DNAJC21: variants seen among roughly 807,000 people sequenced by gnomAD.
DNAJC21 encodes the protein dnaJ homolog subfamily C member 21.
DNAJC21 carries 63 observed loss-of-function variants against 72.4 expected under a neutral mutation model. The ratio of observed to expected loss-of-function variants is 0.87; its 90% CI spans 0.71 to 1.07. The LOEUF is 1.07. Ranked by LOEUF, DNAJC21 falls within the 50% of genes least tolerant of loss-of-function variation. DNAJC21 has a pLI of 0.00. For missense variants in DNAJC21, 634 were observed against 644.8 expected (o/e 0.98, Z 0.18); for synonymous variants, 203 against 216.7 (o/e 0.94, Z 0.56).
chr5:34,946,949 ATC>A (rs1354395005), intron 9 of DNAJC21, among the ~76,000 whole-genome samples: 5 of 152,196 alleles, frequency 3.3e-5, no homozygotes, highest in Non-Finnish European at 4.4e-5. Flanking sequence ...CCTTTATAGC[ATC>A]TCTCGTTTAT....
intron 6 of DNAJC21, among the ~76,000 whole-genome samples, chr5:34,940,331 A>G (rs979311501): frequency 1.3e-5 from 2 of 152,342 alleles, no homozygotes; most frequent in South Asian, 2.1e-4. Context: ...TTAACACTAG[A>G]TAGGGTATAT....
chr5:34,953,324 C>G (rs963916774), intron 10 of DNAJC21, among the ~76,000 whole-genome samples: 2 of 151,734 alleles, frequency 1.3e-5, no homozygotes, highest in African/African-American at 4.8e-5. Flanking sequence ...TGCAGTGGTG[C>G]AATCTTGGCT....
At chr5:34,931,780 C>A (rs1195680247) in intron 1 of DNAJC21, among the ~76,000 whole-genome samples, 1 of 151,984 alleles carries the variant, frequency 6.6e-6, no homozygotes, top group Non-Finnish European at 1.5e-5. Flanking sequence ...CCAAGCCAGG[C>A]TTGGGGTCAG....
chr5:34,949,479 C>T, intron 9 of DNAJC21: 2 of 1,546,084 alleles, frequency 1.3e-6, no homozygotes, highest in Non-Finnish European at 1.7e-6. Context: ...GGTTGTGTAA[C>T]AGATAATATT....
intron 9 of DNAJC21, 49 bp from the exon 10 acceptor site, chr5:34,950,121 T>C: frequency 6.5e-7 from 1 of 1,528,832 alleles, no homozygotes; most frequent in Non-Finnish European, 8.8e-7. Context: ...AAAAAGCTAG[T>C]AGTAGTATTA....
Position 34,956,587 on chromosome 5 carries a change from A to G in DNAJC21, c.*1873A>G, listed in dbSNP as rs1765544495. The G allele has an allele frequency of 6.6e-6, 1 of 152,238 alleles. No individual in the cohort carries two copies. Among genetic ancestry groups the G allele is most frequent in the African/African-American group, 2.4e-5 (1 of 41,460 alleles). 9.4% of individuals were successfully genotyped at this position (152,238 alleles called of 1,614,324 possible). Reference sequence around the variant, plus strand: ...CCAGAGGACATACTAGTCACATGTTATTATACACTAAAAAATAGGAAGTCA... The same window carrying G: ...CCAGAGGACATACTAGTCACATGTTGTTATACACTAAAAAATAGGAAGTCA... On this transcript the variant is annotated 3_prime_UTR_variant, in exon 12 of 12. Transcript: ENST00000648817.
At chr5:34,944,835 G>C (rs1765118342) in intron 7 of DNAJC21, 32 bp from the exon 8 acceptor site, 2 of 1,609,980 alleles carry the variant, frequency 1.2e-6, no homozygotes, top group South Asian at 2.2e-5. Context: ...ACTAATTTTA[G>C]CGCAGCTGCT....
Position 34,941,145 on chromosome 5 carries a change from C to T in DNAJC21, c.945C>T (p.Tyr315=). The change falls in exon 7 of 12, where the codon TAC becomes TAT. Residue 315 remains tyrosine (Y), a synonymous_variant. Coordinates refer to ENST00000648817, the MANE Select transcript of DNAJC21 (RefSeq NM_001012339.3). ...ACGCTGAGCTCTATGATGACCTTTA[C>T]TGCCCAGCATGTGACAAATCGTTCA... ...AEDAELYDDL[Y]CPACDKSFKT... is the part of the protein sequence containing the mutation. 2 of 1,614,148 alleles carry T rather than the reference C, an allele frequency of 1.2e-6. No homozygotes were observed. The highest frequency in any genetic ancestry group is 8.5e-7 in the Non-Finnish European group (1 of 1,180,022).
In DNAJC21 at chr5:34,954,701, G is replaced by T. The variant is rs552965011; in HGVS notation, c.1583G>T (p.Arg528Leu). Residue 528 changes from arginine (R) to leucine (L), a missense_variant, in exon 12 of 12, where the codon CGT becomes CTT. Arg to Leu is a moderately radical substitution (Grantham distance 102). Coordinates refer to ENST00000648817, the MANE Select transcript of DNAJC21 (RefSeq NM_001012339.3). ...AGTAGTCAAAGCAAGAAAGAGAAAC[G>T]TAAAAACAGATAGAGATTCTGCCTG... Reference protein sequence around the residue: ...ATSSQSKKEKRKNR With the variant: ...ATSSQSKKEKLKNR 2.5e-6 allele frequency: 4 copies of T among 1,603,504 alleles called. No individual in the cohort carries two copies. The highest frequency in any genetic ancestry group is 3.4e-6 in the Non-Finnish European group (4 of 1,175,890).
In DNAJC21 at chr5:34,955,004, A is replaced by G. The variant is rs1765495629; in HGVS notation, c.*290A>G. The G allele has an allele frequency of 4.9e-6, 1 of 205,300 alleles. No homozygotes were observed. The highest frequency in any genetic ancestry group is 2.3e-5 in the African/African-American group (1 of 43,554). The allele number at this position is 205,300 out of a possible 1,614,324, so 12.7% of individuals were successfully genotyped here. ...TTGGCTCATGTGGACAGAAATGTAC[A>G]GGGAGAATTACATTATTTTAACACA... On this transcript the variant is annotated 3_prime_UTR_variant, in exon 12 of 12. Coordinates refer to ENST00000648817, the MANE Select transcript of DNAJC21 (RefSeq NM_001012339.3).
chr5:34,946,586 A>G (rs1474484795), intron 9 of DNAJC21, among the ~76,000 whole-genome samples: 1 of 152,174 alleles, frequency 6.6e-6, no homozygotes, highest in African/African-American at 2.4e-5. Context: ...TCAAAAAATG[A>G]TATATGACAC....
chr5:34,957,982 A>G lies in DNAJC21; in HGVS notation c.*3268A>G, dbSNP rs1397372624. Reference sequence around the variant, plus strand: ...TAGGCTCTTGGGATTGGAGAGGAAAAATTAGAGGTGATTTTCAGATTTCTT... The same window carrying G: ...TAGGCTCTTGGGATTGGAGAGGAAAGATTAGAGGTGATTTTCAGATTTCTT... On this transcript the variant is annotated 3_prime_UTR_variant, in exon 12 of 12. Transcript: ENST00000648817. 2.0e-5 allele frequency: 3 copies of G among 152,162 alleles called. No homozygotes were observed. The highest frequency in any genetic ancestry group is 2.0e-4 in the Admixed American group (3 of 15,280). 9.4% of individuals were successfully genotyped at this position (152,162 alleles called of 1,614,324 possible).
In DNAJC21 at chr5:34,957,609, C is replaced by T. The variant is rs1189682065; in HGVS notation, c.*2895C>T. 6.6e-6 allele frequency: 1 copy of T among 152,130 alleles called. No individual in the cohort carries two copies. The highest frequency in any genetic ancestry group is 1.5e-5 in the Non-Finnish European group (1 of 68,010). 9.4% of individuals were successfully genotyped at this position (152,130 alleles called of 1,614,324 possible). A position where few individuals can be genotyped will look rare whatever the true frequency, so the allele number is the denominator to read the frequency against. On this transcript the variant is annotated 3_prime_UTR_variant, in exon 12 of 12. Coordinates refer to ENST00000648817, the MANE Select transcript of DNAJC21 (RefSeq NM_001012339.3). ...TATAAAGGATTTCATCAGAAGTTTTCATTTTTTCTAAATCCTCCCCTACAA... is the reference window on the plus strand; with the variant it reads ...TATAAAGGATTTCATCAGAAGTTTTTATTTTTTCTAAATCCTCCCCTACAA...
intron 5 of DNAJC21, among the ~76,000 whole-genome samples, chr5:34,938,645 TATC>T (rs1184551969): frequency 1.3e-5 from 2 of 152,256 alleles, no homozygotes; most frequent in African/African-American, 4.8e-5. Context: ...CAAAACCTGT[TATC>T]TACTACTGGA....
intron 7 of DNAJC21, among the ~76,000 whole-genome samples, chr5:34,942,556 T>C (rs1442496850): frequency 1.3e-5 from 2 of 151,934 alleles, no homozygotes; most frequent in African/African-American, 4.8e-5. Flanking sequence ...TGAAGGAGAT[T>C]AAAAATTTTT....
chr5:34,955,610 A>T lies in DNAJC21; in HGVS notation c.*896A>T, dbSNP rs1349997756. The T allele has an allele frequency of 6.6e-6, 1 of 151,756 alleles. No individual in the cohort carries two copies. Among genetic ancestry groups the T allele is most frequent in the African/African-American group, 2.4e-5 (1 of 41,280 alleles). The allele number at this position is 151,756 out of a possible 1,614,324, so 9.4% of individuals were successfully genotyped here. A position where few individuals can be genotyped will look rare whatever the true frequency, so the allele number is the denominator to read the frequency against. ...AATGAAAGATTTTGTGATAGAGCTG[A>T]TGCTTATACATCTATTCTATAACAG... On this transcript the variant is annotated 3_prime_UTR_variant, in exon 12 of 12. Transcript: ENST00000648817.
At chr5:34,933,779 G>A (rs773969273) in intron 1 of DNAJC21, 36 bp from the exon 2 acceptor site, 18 of 1,567,764 alleles carry the variant, frequency 1.1e-5, no homozygotes, top group African/African-American at 4.1e-5. Context: ...TGTCCTGTAC[G>A]TTTTTGATTG....
chr5:34,932,117 T>A (rs1286873077), intron 1 of DNAJC21, among the ~76,000 whole-genome samples: 1 of 152,158 alleles, frequency 6.6e-6, no homozygotes, highest in African/African-American at 2.4e-5. Flanking sequence ...GAGCTGTAGC[T>A]TAAAGAACTT....
rs941221131 is a variant in DNAJC21 at position 34,935,432 on chromosome 5, C to CA, written c.192-277dup. On this transcript the variant is annotated intron_variant, in intron 2 of 11. Coordinates refer to ENST00000648817, the MANE Select transcript of DNAJC21 (RefSeq NM_001012339.3). ...TTCTTTCCTGTGGAAGTACGGGACT[C>CA]AGAGACAGTCATGGAAATTCCTTGG... Among the ~76,000 whole-genome samples, 6 of 152,156 alleles carry CA rather than the reference C, an allele frequency of 3.9e-5. No individual in the cohort carries two copies. The East Asian group carries it at 1.2e-3, about 29-fold the overall frequency.
Sources: allele counts gnomAD v4.1 joint callset (sites outside exome capture counted in the v4.1 genomes callset), GRCh38; gene constraint gnomAD v4.1.1; transcripts MANE v1.5; gene names NCBI Gene and HGNC (gene_info 2026-07-23, HGNC 2026-07-21).